Variants in NHERF2 observed in about 807,000 individuals in gnomAD.
NHERF2 encodes Na(+)/H(+) exchange regulatory cofactor NHE-RF2.
At chr16:2,036,476 C>T in the NHERF2 span, 1 of 1,598,118 alleles carries the variant, frequency 6.3e-7, no homozygotes, top group South Asian at 1.1e-5. Flanking sequence ...CCCGCTCTGG[C>T]CTCCGCGCCC....
chr16:2,029,172 C>G, the NHERF2 span, among the ~76,000 whole-genome samples: 3 of 152,246 alleles, frequency 2.0e-5, no homozygotes, highest in Non-Finnish European at 2.9e-5. Context: ...GACGGAGACA[C>G]AGACTTTGAA....
At chr16:2,038,514 C>T in the NHERF2 span, 11 of 368,660 alleles carry the variant, frequency 3.0e-5, no homozygotes, top group South Asian at 1.8e-4. Flanking sequence ...CCCTCAGCAG[C>T]GGCCGTCCTG....
the NHERF2 span, chr16:2,037,451 TG>T: frequency 4.7e-3 from 5,112 of 1,083,110 alleles, no homozygotes; most frequent in Non-Finnish European, 5.7e-3. Flanking sequence ...GAGCACACAC[TG>T]GGGGGGGGTG....
chr16:2,032,815 C>T, the NHERF2 span: 311 of 995,080 alleles, frequency 3.1e-4, 3 homozygotes, highest in Admixed American at 0.011. The surrounding 1 kb of genome is among the most constrained non-coding windows in gnomAD (Gnocchi z 4.0). Context: ...GGGTGGCCAG[C>T]GGTGCCAGGC....
At chr16:2,035,001 C>T in the NHERF2 span, among the ~76,000 whole-genome samples, 2 of 152,268 alleles carry the variant, frequency 1.3e-5, no homozygotes, top group African/African-American at 4.8e-5. Context: ...CCCTCTAATT[C>T]AGCCCATGTG....
the NHERF2 span, chr16:2,036,451 C>T: frequency 6.6e-5 from 106 of 1,603,906 alleles, no homozygotes; most frequent in African/African-American, 2.5e-4. Flanking sequence ...TCTGTGGACC[C>T]GGGCTCACCT....
the NHERF2 span, chr16:2,035,334 GA>G: frequency 4.3e-6 from 4 of 924,850 alleles, no homozygotes; most frequent in Non-Finnish European, 5.2e-6. Context: ...GGGGGTGTCT[GA>G]GGCCTGGAGA....
chr16:2,027,701 G>C, the NHERF2 span, among the ~76,000 whole-genome samples: 1 of 152,340 alleles, frequency 6.6e-6, no homozygotes, highest in East Asian at 1.9e-4. Flanking sequence ...TGTGTGTGCT[G>C]TAGTGTGTGT....
At chr16:2,032,427 C>T in the NHERF2 span, among the ~76,000 whole-genome samples, 1 of 152,216 alleles carries the variant, frequency 6.6e-6, no homozygotes, top group African/African-American at 2.4e-5. This position sits in a 1 kb window ranked among gnomAD's most constrained non-coding sequence, Gnocchi z 4.0. Flanking sequence ...AGCCTGGGTT[C>T]AGGGCATGCC....
chr16:2,031,786 G>A, the NHERF2 span, among the ~76,000 whole-genome samples: 1 of 152,114 alleles, frequency 6.6e-6, no homozygotes, highest in Non-Finnish European at 1.5e-5. Context: ...CCGCTGTCTG[G>A]GTTCAAGCGA....
chr16:2,036,412 A>T, the NHERF2 span: 785 of 1,609,066 alleles, frequency 4.9e-4, 3 homozygotes, highest in African/African-American at 9.7e-3. Flanking sequence ...CTGCATAGTG[A>T]CAAGTCCCGG....
the NHERF2 span, chr16:2,027,179 G>T: frequency 2.1e-6 from 3 of 1,457,618 alleles, no homozygotes; most frequent in Non-Finnish European, 1.8e-6. Context: ...GCCTGGTCGA[G>T]GTCAACGGCG....
At chr16:2,037,783 C>A in the NHERF2 span, 1 of 1,555,598 alleles carries the variant, frequency 6.4e-7, no homozygotes. Context: ...GGGTGTGGGA[C>A]TAGGGCTCAC....
the NHERF2 span, chr16:2,038,340 T>C: frequency 2.1e-6 from 1 of 473,688 alleles, no homozygotes; most frequent in Admixed American, 2.7e-5. Context: ...GGAATTTGTG[T>C]TTTTGCTTTT....
At chr16:2,036,049 C>T in the NHERF2 span, 355 of 474,144 alleles carry the variant, frequency 7.5e-4, 1 homozygote, top group African/African-American at 6.2e-3. Flanking sequence ...CTGTGCGCCA[C>T]GCTGGCCTCG....
At chr16:2,038,284 G>A in the NHERF2 span, 49 of 538,442 alleles carry the variant, frequency 9.1e-5, no homozygotes, top group East Asian at 1.7e-3. Flanking sequence ...CGCGGCAGCC[G>A]CGGGGCGAGG....
the NHERF2 span, among the ~76,000 whole-genome samples, chr16:2,030,405 G>A: frequency 6.6e-6 from 1 of 152,116 alleles, no homozygotes; most frequent in African/African-American, 2.4e-5. Context: ...TGTTCCTCCT[G>A]GACTCCTGCT....
At chr16:2,027,288 T>G in the NHERF2 span, 1 of 986,416 alleles carries the variant, frequency 1.0e-6, no homozygotes, top group Non-Finnish European at 1.3e-6. Flanking sequence ...CGAGCAGGGG[T>G]CGCACGGGGG....
chr16:2,029,740 C>T, the NHERF2 span: 1 of 1,552,102 alleles, frequency 6.4e-7, no homozygotes, highest in South Asian at 1.2e-5. Context: ...CGAAGCCAGA[C>T]TGGGCACACA....
Sources: allele counts gnomAD v4.1 joint callset (sites outside exome capture counted in the v4.1 genomes callset), GRCh38; gene constraint gnomAD v4.1.1; non-coding constraint Gnocchi (gnomAD v3.1); transcripts MANE v1.5; gene names NCBI Gene and HGNC (gene_info 2026-07-23, HGNC 2026-07-21).